Variants in SGCE observed in about 807,000 individuals in gnomAD.
SGCE encodes epsilon-sarcoglycan.
In SGCE, 26 loss-of-function variants were observed where a neutral mutation model predicts 57.8. The ratio of observed to expected loss-of-function variants is 0.45; its 90% CI spans 0.33 to 0.62. The LOEUF (loss-of-function observed/expected upper bound fraction) is 0.62, where lower values mean the gene tolerates loss of function less well. Among genes scored for constraint, SGCE ranks in the 20% least tolerant of loss-of-function variants. The pLI is 0.02. For synonymous variants in SGCE, 183 were observed against 189.5 expected (o/e 0.97, Z 0.28); for missense variants, 468 against 548.6 (o/e 0.85, Z 1.47).
chr7:94,601,451 A>AAAAAAC (rs1799222951), intron 6 of SGCE, among the ~76,000 whole-genome samples: 1 of 61,686 alleles, frequency 1.6e-5, no homozygotes, highest in African/African-American at 4.3e-5. Flanking sequence ...ATCAAAAAAA[A>AAAAAAC]AAAAAAAAAA....
intron 1 of SGCE, chr7:94,639,345 T>C (rs1211931221): frequency 2.0e-6 from 3 of 1,526,908 alleles, no homozygotes; most frequent in Non-Finnish European, 2.6e-6. Flanking sequence ...ACTCACCATC[T>C]TTCATCCCAG....
chr7:94,652,054 G>A lies in SGCE; in HGVS notation c.109+3936C>T, dbSNP rs180813148. 2.9e-3 allele frequency among the ~76,000 whole-genome samples: 435 copies of A among 152,126 alleles called. 4 individuals are homozygous for A. The highest frequency in any genetic ancestry group is 0.024 in the Admixed American group (367 of 15,290). The stretch of plus-strand genomic sequence containing the variant: ...TAGAAAAAGCCTGAATGGAGTGTGC[G>A]TTAGTCTATGTATGCTCCTCACATC... On this transcript the variant is annotated intron_variant, in intron 1 of 10. Transcript: ENST00000648936.
intron 1 of SGCE, among the ~76,000 whole-genome samples, chr7:94,633,031 A>G (rs1804960747): frequency 6.6e-6 from 1 of 152,070 alleles, no homozygotes; most frequent in South Asian, 2.1e-4. Context: ...CTAAGAATCC[A>G]CAACACTAAG....
chr7:94,599,700 G>A lies in SGCE; in HGVS notation c.1061C>T (p.Pro354Leu), dbSNP rs778398331. 3.7e-6 allele frequency: 6 copies of A among 1,609,454 alleles called. No individual in the cohort carries two copies. Among genetic ancestry groups the A allele is most frequent in the Non-Finnish European group, 3.4e-6 (4 of 1,176,108 alleles). ...TAACAGGAAAGAAGACACTTACTCT[G>A]GTGTTTGCATGTTTCTCTTTTCCCT... Reference protein sequence around the residue: ...EGVEKRNMQTPDIQLVHHSAI... With the variant: ...EGVEKRNMQTLDIQLVHHSAI... Residue 354 changes from proline (P) to leucine (L), a missense_variant, in exon 8 of 11, where the codon CCA becomes CTA. Pro to Leu is a moderately conservative substitution (Grantham distance 98). Coordinates refer to ENST00000648936, the MANE Select transcript of SGCE (RefSeq NM_003919.3).
At chr7:94,615,188 A>C (rs1269467346) in intron 5 of SGCE, among the ~76,000 whole-genome samples, 1 of 152,046 alleles carries the variant, frequency 6.6e-6, no homozygotes, top group African/African-American at 2.4e-5. Flanking sequence ...GTGAAACCCC[A>C]TCTCTACTGA....
At chr7:94,627,163 C>T (rs939282698) in intron 3 of SGCE, 4 of 152,034 alleles carry the variant, frequency 2.6e-5, no homozygotes, top group Admixed American at 6.6e-5. Flanking sequence ...TCAATTCCAA[C>T]TGAATTGGCC....
At chr7:94,643,196 A>G (rs771712659) in intron 1 of SGCE, among the ~76,000 whole-genome samples, 2 of 152,204 alleles carry the variant, frequency 1.3e-5, no homozygotes, top group Non-Finnish European at 2.9e-5. Context: ...TACTAGGATA[A>G]TTTTAGGTCT....
chr7:94,619,280 G>A (rs867804831), intron 4 of SGCE: 2 of 206,204 alleles, frequency 9.7e-6, no homozygotes. Flanking sequence ...TGATCTTTTG[G>A]GGAGCATGCT....
chr7:94,590,969 C>T (rs1259044334), intron 9 of SGCE: 1 of 151,976 alleles, frequency 6.6e-6, no homozygotes, highest in Non-Finnish European at 1.5e-5. Flanking sequence ...TTCAGTTCCA[C>T]TTTAAAGATA....
intron 9 of SGCE, among the ~76,000 whole-genome samples, chr7:94,594,953 C>T (rs1798183135): frequency 6.6e-6 from 1 of 152,074 alleles, no homozygotes; most frequent in African/African-American, 2.4e-5. Flanking sequence ...CTCCAGCTTC[C>T]CTGTCCACTG....
At chr7:94,614,929 C>T (rs1285505875) in intron 5 of SGCE, among the ~76,000 whole-genome samples, 1 of 152,082 alleles carries the variant, frequency 6.6e-6, no homozygotes, top group African/African-American at 2.4e-5. Flanking sequence ...GCATTGACTT[C>T]ATTTGTTTTT....
At position 94,603,424 on chromosome 7, in the gene SGCE, G is replaced by T; in HGVS notation, c.691C>A (p.Pro231Thr). The change falls in exon 6 of 11, where the codon CCG becomes ACG. Residue 231 changes from proline (P) to threonine (T), a missense_variant. Pro to Thr is a conservative substitution (Grantham distance 38, BLOSUM62 -1). Transcript: ENST00000648936. The part of the protein sequence containing the change: ...GVYVMVGADV[P>T]FSSCLREVEN... ...ACTTCTCGTAAACAAGAAGAAAACG[G>T]GACATCTGCACCAACCATGACATAA... The T allele has an allele frequency of 6.2e-7, 1 of 1,613,124 alleles. No individual in the cohort carries two copies. The highest frequency in any genetic ancestry group is 8.5e-7 in the Non-Finnish European group (1 of 1,179,450).
At chr7:94,635,338 T>A (rs9656022) in intron 1 of SGCE, among the ~76,000 whole-genome samples, 12,602 of 152,188 alleles carry the variant, frequency 0.083, 584 homozygotes, top group East Asian at 0.17. Flanking sequence ...ATTAAGAAGG[T>A]TTTAAGGTAT....
chr7:94,642,791 G>C (rs1414553873), intron 1 of SGCE, among the ~76,000 whole-genome samples: 3 of 152,170 alleles, frequency 2.0e-5, no homozygotes, highest in African/African-American at 7.2e-5. Flanking sequence ...ATGTTCCAAA[G>C]AACAATGTAT....
chr7:94,654,824 G>C (rs1179883744), intron 1 of SGCE, among the ~76,000 whole-genome samples: 2 of 152,182 alleles, frequency 1.3e-5, no homozygotes, highest in African/African-American at 4.8e-5. Context: ...ATATGAAAGC[G>C]TTTCATCTGT....
At chr7:94,636,418 G>C (rs1284867590) in intron 1 of SGCE, among the ~76,000 whole-genome samples, 1 of 152,148 alleles carries the variant, frequency 6.6e-6, no homozygotes, top group Non-Finnish European at 1.5e-5. Context: ...AACAATCAGA[G>C]TTTGCATGCA....
chr7:94,625,144 C>A (rs1183638438), intron 3 of SGCE: 1 of 151,816 alleles, frequency 6.6e-6, no homozygotes, highest in Non-Finnish European at 1.5e-5. Flanking sequence ...TAAAACAGAG[C>A]TGATCTATTT....
intron 4 of SGCE, chr7:94,621,125 C>G (rs1028394669): frequency 2.0e-5 from 3 of 152,170 alleles, no homozygotes; most frequent in Non-Finnish European, 2.9e-5. Context: ...GCATGATTAC[C>G]CTGATATATA....
At chr7:94,617,275 C>T (rs927771534) in intron 5 of SGCE, 2 of 152,172 alleles carry the variant, frequency 1.3e-5, no homozygotes, top group African/African-American at 4.8e-5. Flanking sequence ...TTGCTTGGTT[C>T]AATTTAGTTT....
Sources: gnomAD v4.1 joint callset for allele counts (sites outside exome capture counted in the v4.1 genomes callset) on GRCh38, gnomAD v4.1.1 for gene constraint, MANE v1.5 for transcripts, NCBI Gene and HGNC (gene_info 2026-07-23, HGNC 2026-07-21) for gene names.